Variants in GXYLT2 observed in about 807,000 individuals in gnomAD.
The protein encoded by GXYLT2 is glucoside xylosyltransferase 2.
Under a neutral mutation model 45.8 loss-of-function variants are expected in GXYLT2, and 53 were observed. The observed-to-expected ratio is 1.16, with a 90% confidence interval of 0.93 to 1.46. The LOEUF is 1.46. Ranked by LOEUF, GXYLT2 falls within the 40% of genes most tolerant of loss-of-function variation. The pLI, the probability that GXYLT2 is intolerant of heterozygous loss-of-function variation, is 0.00. For missense variants in GXYLT2, 551 were observed against 544.4 expected (o/e 1.01, Z -0.12); for synonymous variants, 219 against 214.2 (o/e 1.02, Z -0.19).
At chr3:72,943,416 GC>G (rs1710336561) in intron 3 of GXYLT2, among the ~76,000 whole-genome samples, 1 of 139,688 alleles carries the variant, frequency 7.2e-6, no homozygotes, top group Non-Finnish European at 1.5e-5. Flanking sequence ...TCCCTCTGTT[GC>G]CCAGGCTGGA....
chr3:72,913,540 C>T (rs1412946043), intron 2 of GXYLT2, among the ~76,000 whole-genome samples: 1 of 151,632 alleles, frequency 6.6e-6, no homozygotes, highest in Admixed American at 6.6e-5. Flanking sequence ...ACTAAAAATA[C>T]AAAAATTAGC....
chr3:72,974,715 T>A (rs955178627), intron 6 of GXYLT2, among the ~76,000 whole-genome samples: 1 of 152,196 alleles, frequency 6.6e-6, no homozygotes, highest in African/African-American at 2.4e-5. Flanking sequence ...CTCAAAGTGC[T>A]GGGGTTACAG....
In GXYLT2 at chr3:72,976,311, G is replaced by A. The variant is rs1223928497; in HGVS notation, c.*1152G>A. 6.6e-6 allele frequency: 1 copy of A among 152,138 alleles called. No homozygotes were observed. Among genetic ancestry groups the A allele is most frequent in the Admixed American group, 6.6e-5 (1 of 15,266 alleles). 9.4% of individuals were successfully genotyped at this position (152,138 alleles called of 1,614,324 possible). A position where few individuals can be genotyped will look rare whatever the true frequency, so the allele number is the denominator to read the frequency against. ...CATAATACATTTCTATGCAACAATA[G>A]CTTCTGAGAGGAAATTCAGGAATGT... On this transcript the variant is annotated 3_prime_UTR_variant, in exon 7 of 7. Transcript: ENST00000389617.
intron 3 of GXYLT2, among the ~76,000 whole-genome samples, chr3:72,930,917 A>G (rs80150460): frequency 0.014 from 2,148 of 152,170 alleles, 54 homozygotes; most frequent in African/African-American, 0.049. Context: ...TAATGGATTG[A>G]ACAACTAGGC....
chr3:72,906,716 G>A (rs1189617399), intron 1 of GXYLT2, among the ~76,000 whole-genome samples: 1 of 152,168 alleles, frequency 6.6e-6, no homozygotes, highest in Non-Finnish European at 1.5e-5. Context: ...GAGCATTTCT[G>A]AAATAAAGAG....
intron 1 of GXYLT2, among the ~76,000 whole-genome samples, chr3:72,889,907 G>GTTTTTTTTTTTTTTTTTT (rs5850087): frequency 5.1e-5 from 6 of 118,784 alleles, no homozygotes; most frequent in African/African-American, 2.0e-4. Flanking sequence ...TTTTTTTTTT[G>GTTTTTTTTTTTTTTTTTT]TTTTTTTTTT....
At chr3:72,923,511 G>C (rs958615161) in intron 3 of GXYLT2, among the ~76,000 whole-genome samples, 1 of 152,176 alleles carries the variant, frequency 6.6e-6, no homozygotes, top group Admixed American at 6.5e-5. Context: ...ATATTGCACA[G>C]GGATAGCAAC....
chr3:72,899,558 C>T (rs79546837), intron 1 of GXYLT2, among the ~76,000 whole-genome samples: 234 of 152,264 alleles, frequency 1.5e-3, no homozygotes, highest in African/African-American at 5.3e-3. Context: ...CTAATCATGA[C>T]GTCAAGGGAG....
At chr3:72,970,569 C>T (rs1710968809) in intron 6 of GXYLT2, among the ~76,000 whole-genome samples, 1 of 151,904 alleles carries the variant, frequency 6.6e-6, no homozygotes, top group Non-Finnish European at 1.5e-5. Context: ...CTCTGAAATT[C>T]GCAGAGTTGG....
intron 3 of GXYLT2, among the ~76,000 whole-genome samples, chr3:72,942,812 G>T: frequency 6.6e-6 from 1 of 152,084 alleles, no homozygotes; most frequent in African/African-American, 2.4e-5. Flanking sequence ...CTAAGGAGAT[G>T]TGACAAATAA....
chr3:72,967,575 G>T lies in GXYLT2; in HGVS notation c.1005G>T (p.Trp335Cys). 1.2e-6 allele frequency: 2 copies of T among 1,613,836 alleles called. No individual in the cohort carries two copies. Among genetic ancestry groups the T allele is most frequent in the South Asian group, 1.1e-5 (1 of 91,048 alleles). The stretch of plus-strand genomic sequence containing the variant: ...GTCTCTATGTATTCCCCTGCCAGTG[G>T]AACTACCGTCCCGATCACTGCATGT... ...PECLYVFPCQ[W>C]NYRPDHCMYG... Residue 335 changes from tryptophan (W) to cysteine (C), a missense_variant, in exon 6 of 7, where the codon TGG becomes TGT. Transcript: ENST00000389617.
At chr3:72,927,214 C>G (rs1709935809) in intron 3 of GXYLT2, 2 of 152,244 alleles carry the variant, frequency 1.3e-5, no homozygotes, top group Admixed American at 1.3e-4. Context: ...GCTGGGATTA[C>G]AGGTGTGAGC....
At chr3:72,908,287 A>G in intron 1 of GXYLT2, 80 bp from the exon 2 acceptor site, 1 of 933,256 alleles carries the variant, frequency 1.1e-6, no homozygotes, top group Non-Finnish European at 1.6e-6. Flanking sequence ...GAAATGTTCT[A>G]ACCATTCACT....
intron 5 of GXYLT2, among the ~76,000 whole-genome samples, chr3:72,964,010 G>A (rs925997570): frequency 1.3e-5 from 2 of 150,942 alleles, no homozygotes; most frequent in Non-Finnish European, 3.0e-5. Context: ...GAGTCTCGCT[G>A]TGTTGCCCAG....
intron 3 of GXYLT2, among the ~76,000 whole-genome samples, chr3:72,951,861 A>T (rs1710534359): frequency 6.6e-6 from 1 of 151,952 alleles, no homozygotes; most frequent in African/African-American, 2.4e-5. Flanking sequence ...TTTTTGAGAC[A>T]GAGTCTTACT....
chr3:72,927,623 T>G (rs1709944033), intron 3 of GXYLT2, among the ~76,000 whole-genome samples: 1 of 152,208 alleles, frequency 6.6e-6, no homozygotes, highest in African/African-American at 2.4e-5. Flanking sequence ...AACAAACCCT[T>G]TGGATATTAA....
chr3:72,927,088 C>T (rs972672052), intron 3 of GXYLT2: 1 of 152,094 alleles, frequency 6.6e-6, no homozygotes, highest in Non-Finnish European at 1.5e-5. Flanking sequence ...CAGGTACACA[C>T]CACCATGCCC....
chr3:72,961,160 A>C (rs1315318041), intron 5 of GXYLT2, among the ~76,000 whole-genome samples: 2 of 152,218 alleles, frequency 1.3e-5, no homozygotes, highest in African/African-American at 4.8e-5. Flanking sequence ...ATTTCCTGGC[A>C]GGTGAGCCAA....
intron 5 of GXYLT2, among the ~76,000 whole-genome samples, chr3:72,959,088 G>A (rs1013794427): frequency 6.6e-5 from 9 of 137,048 alleles, no homozygotes; most frequent in African/African-American, 2.5e-4. Flanking sequence ...GACTATAGGT[G>A]TGCATCACCA....
Sources: gnomAD v4.1 joint callset for allele counts (sites outside exome capture counted in the v4.1 genomes callset) on GRCh38, gnomAD v4.1.1 for gene constraint, MANE v1.5 for transcripts, NCBI Gene and HGNC (gene_info 2026-07-23, HGNC 2026-07-21) for gene names.